The following CADM2 variants were observed in gnomAD, a reference collection of about 807,000 sequenced individuals.
CADM2 encodes the protein immunoglobulin superfamily member 4D.
Under a neutral mutation model 49.8 loss-of-function variants are expected in CADM2, and 12 were observed. The ratio of observed to expected loss-of-function variants is 0.24; its 90% confidence interval spans 0.15 to 0.39. CADM2 has a LOEUF of 0.39. Ranked by LOEUF, CADM2 falls within the 10% of genes least tolerant of loss-of-function variation. The probability of loss-of-function intolerance (pLI) is 1.00; values close to 1 mark genes in which losing one functional copy is unlikely to be tolerated. For synonymous variants in CADM2, 214 were observed against 175.4 expected (o/e 1.22, Z -1.74); for missense variants, 378 against 492.3 (o/e 0.77, Z 2.20).
intron 1 of CADM2, among the ~76,000 whole-genome samples, chr3:85,520,858 T>G (rs1441661253): frequency 6.6e-6 from 1 of 152,094 alleles, no homozygotes; most frequent in African/African-American, 2.4e-5. Flanking sequence ...TGGATTGTAT[T>G]GTTTTTCATG....
chr3:85,897,494 C>T (rs923576825), intron 5 of CADM2, among the ~76,000 whole-genome samples: 1 of 150,896 alleles, frequency 6.6e-6, no homozygotes, highest in African/African-American at 2.4e-5. Flanking sequence ...TGGTCTCGAT[C>T]TCCTGACCTC....
In CADM2 at chr3:85,945,213, C is replaced by T. The variant is rs1280363874; in HGVS notation, c.791+9356C>T. ...TAAATTCCTCGACACATACACCCTCCCAAGACTAAACCAGGAAGAAGTTGA... is the reference window on the plus strand; with the variant it reads ...TAAATTCCTCGACACATACACCCTCTCAAGACTAAACCAGGAAGAAGTTGA... On this transcript the variant is annotated intron_variant, in intron 7 of 9. Transcript: ENST00000383699. Among the ~76,000 whole-genome samples the T allele has an allele frequency of 2.0e-5, 3 of 151,956 alleles. No homozygotes were observed. The East Asian group carries it at 5.8e-4, about 29-fold the overall frequency.
At chr3:85,995,788 G>C (rs1729318650) in intron 8 of CADM2, among the ~76,000 whole-genome samples, 1 of 152,028 alleles carries the variant, frequency 6.6e-6, no homozygotes, top group African/African-American at 2.4e-5. Context: ...AAGAAAGGAA[G>C]ACTTTAAAAA....
chr3:86,006,054 A>C (rs1389796838), intron 8 of CADM2, among the ~76,000 whole-genome samples: 2 of 152,142 alleles, frequency 1.3e-5, no homozygotes, highest in East Asian at 3.9e-4. Flanking sequence ...GGATCTCATT[A>C]GTTTTTATGG....
intron 1 of CADM2, among the ~76,000 whole-genome samples, chr3:85,036,748 T>C (rs890560222): frequency 5.9e-5 from 9 of 152,134 alleles, no homozygotes; most frequent in Non-Finnish European, 1.5e-5. Flanking sequence ...TATAACAATA[T>C]TTTAAAATAT....
intron 8 of CADM2, among the ~76,000 whole-genome samples, chr3:86,015,727 A>G (rs1439194471): frequency 1.3e-5 from 2 of 152,188 alleles, no homozygotes; most frequent in African/African-American, 4.8e-5. Flanking sequence ...TGCTGTTTAC[A>G]TTCCTTTGTG....
chr3:85,859,990 T>G (rs1261695280), intron 3 of CADM2, among the ~76,000 whole-genome samples: 1 of 152,216 alleles, frequency 6.6e-6, no homozygotes, highest in African/African-American at 2.4e-5. Flanking sequence ...TGTTAAATTT[T>G]GAAAACATAA....
intron 1 of CADM2, among the ~76,000 whole-genome samples, chr3:85,390,849 G>A (rs188817436): frequency 2.6e-5 from 4 of 151,924 alleles, no homozygotes; most frequent in Non-Finnish European, 2.9e-5. Context: ...ATTTACAGCC[G>A]AATTGTAAAG....
At chr3:85,224,834 C>A (rs1576158823) in intron 1 of CADM2, among the ~76,000 whole-genome samples, 2 of 152,284 alleles carry the variant, frequency 1.3e-5, no homozygotes, top group South Asian at 4.1e-4. Context: ...AGCCAGTTTT[C>A]CCAACACCAT....
intron 6 of CADM2, among the ~76,000 whole-genome samples, chr3:85,931,849 TAAATTTAAAATCATTAAATTTTA>T (rs1187135872): frequency 6.6e-6 from 1 of 151,864 alleles, no homozygotes; most frequent in Non-Finnish European, 1.5e-5. Flanking sequence ...ATGCAGGACT[TAAATTTAAAATCATTAAATTTTA>T]AAATTTAAAA....
chr3:86,044,605 T>G (rs556113776), intron 8 of CADM2, among the ~76,000 whole-genome samples: 9 of 152,314 alleles, frequency 5.9e-5, no homozygotes, highest in Admixed American at 3.3e-4. Flanking sequence ...ACTTTTACAC[T>G]GTTGGTGGGA....
intron 1 of CADM2, among the ~76,000 whole-genome samples, chr3:85,710,190 A>C (rs980832894): frequency 2.0e-5 from 3 of 152,118 alleles, no homozygotes; most frequent in Non-Finnish European, 4.4e-5. Flanking sequence ...ATAGCATAAC[A>C]AGCTAAAAGA....
At chr3:84,992,589 A>G (rs2032955183) in intron 1 of CADM2, among the ~76,000 whole-genome samples, 1 of 152,152 alleles carries the variant, frequency 6.6e-6, no homozygotes, top group African/African-American at 2.4e-5. Flanking sequence ...AGATCGCACC[A>G]CTGCACTCCA....
chr3:85,127,949 A>G (rs972418291), intron 1 of CADM2, among the ~76,000 whole-genome samples: 5 of 152,174 alleles, frequency 3.3e-5, no homozygotes, highest in Non-Finnish European at 5.9e-5. Flanking sequence ...ATTTAAATTT[A>G]ATTAAATAAA....
At chr3:85,761,156 G>A (rs2069351486) in intron 2 of CADM2, among the ~76,000 whole-genome samples, 1 of 152,056 alleles carries the variant, frequency 6.6e-6, no homozygotes. Flanking sequence ...GAGCCACAGA[G>A]TATTATCTTT....
intron 1 of CADM2, among the ~76,000 whole-genome samples, chr3:85,550,450 C>A (rs2061773769): frequency 6.6e-6 from 1 of 152,092 alleles, no homozygotes. Context: ...ATTCTCAGTC[C>A]TTAACCTAGA....
At chr3:85,042,373 TA>T (rs2035477016) in intron 1 of CADM2, among the ~76,000 whole-genome samples, 1 of 152,204 alleles carries the variant, frequency 6.6e-6, no homozygotes, top group Non-Finnish European at 1.5e-5. Flanking sequence ...GGCTCACATT[TA>T]AATAAGGCTA....
intron 1 of CADM2, among the ~76,000 whole-genome samples, chr3:85,293,912 C>A (rs960335230): frequency 5.3e-5 from 8 of 151,858 alleles, no homozygotes; most frequent in Non-Finnish European, 1.2e-4. Context: ...CACTCCTATT[C>A]AACATAGTGT....
At chr3:85,892,929 G>A (rs1408620519) in intron 5 of CADM2, among the ~76,000 whole-genome samples, 1 of 152,156 alleles carries the variant, frequency 6.6e-6, no homozygotes. Context: ...GCACTCCCTA[G>A]AGACTTCTTG....
Sources: gnomAD v4.1 joint callset for allele counts (sites outside exome capture counted in the v4.1 genomes callset) on GRCh38, gnomAD v4.1.1 for gene constraint, MANE v1.5 for transcripts, NCBI Gene and HGNC (gene_info 2026-07-23, HGNC 2026-07-21) for gene names.